LAMTOR3: variants seen among roughly 807,000 people sequenced by gnomAD.
LAMTOR3 encodes ragulator complex protein LAMTOR3.
LAMTOR3 carries 14 observed loss-of-function variants against 20.3 expected under a neutral mutation model. That is an observed-to-expected ratio of 0.69 (90% CI 0.46 to 1.08). The LOEUF is 1.08. Ranked by LOEUF, LAMTOR3 falls within the 50% of genes least tolerant of loss-of-function variation. The pLI is 0.00. For synonymous variants in LAMTOR3, 40 were observed against 49.4 expected, an observed-to-expected ratio of 0.81 and a Z score of 0.80; for missense variants, 125 against 143.7, an observed-to-expected ratio of 0.87 and a Z score of 0.67.
Position 99,881,808 on chromosome 4 carries a change from A to C in LAMTOR3, c.*186T>G. 1.8e-6 allele frequency: 1 copy of C among 565,996 alleles called. No homozygotes were observed. Among genetic ancestry groups the C allele is most frequent in the Non-Finnish European group, 3.1e-6 (1 of 319,290 alleles). The allele number at this position is 565,996 out of a possible 1,614,324, so 35.1% of individuals were successfully genotyped here. On this transcript the variant is annotated 3_prime_UTR_variant, in exon 7 of 7. Coordinates refer to ENST00000499666, the MANE Select transcript of LAMTOR3 (RefSeq NM_021970.4). The stretch of plus-strand genomic sequence containing the variant: ...GATCTCACTAAATAAGAAAGACCCT[A>C]CACCAGAAAATATAGCAACTGATCT...
chr4:99,894,024 T>A, intron 1 of LAMTOR3, 24 bp from the exon 2 acceptor site: 1 of 1,460,494 alleles, frequency 6.8e-7, no homozygotes, highest in Non-Finnish European at 9.2e-7. Flanking sequence ...TCCCGGTGAC[T>A]CTTCCCTCTT....
chr4:99,890,724 G>C (rs1311623484), intron 3 of LAMTOR3, among the ~76,000 whole-genome samples: 2 of 151,620 alleles, frequency 1.3e-5, no homozygotes, highest in Non-Finnish European at 2.9e-5. Flanking sequence ...TTATTTCTTG[G>C]ATAAGCACAA....
chr4:99,879,057 G>T lies in LAMTOR3; in HGVS notation c.*2937C>A, dbSNP rs1724768841. 6.6e-6 allele frequency: 1 copy of T among 152,186 alleles called. No individual in the cohort carries two copies. The highest frequency in any genetic ancestry group is 1.5e-5 in the Non-Finnish European group (1 of 68,024). 9.4% of individuals were successfully genotyped at this position (152,186 alleles called of 1,614,324 possible). A position where few individuals can be genotyped will look rare whatever the true frequency, so the allele number is the denominator to read the frequency against. On this transcript the variant is annotated 3_prime_UTR_variant, in exon 7 of 7. Transcript: ENST00000499666. ...TTAAAAGTTTCACAGACTGCCAATT[G>T]CTGTACATAAAGAGTATAACAAGTC...
intron 5 of LAMTOR3, among the ~76,000 whole-genome samples, chr4:99,885,256 G>C (rs1724901347): frequency 6.6e-6 from 1 of 152,064 alleles, no homozygotes; most frequent in African/African-American, 2.4e-5. Flanking sequence ...CAGTTGTTTA[G>C]CTAACGGCAC....
intron 6 of LAMTOR3, among the ~76,000 whole-genome samples, chr4:99,882,281 T>C (rs1280896537): frequency 1.3e-5 from 2 of 152,198 alleles, no homozygotes; most frequent in East Asian, 3.8e-4. Context: ...GTACAATACT[T>C]ACTATTTGAG....
At chr4:99,893,023 T>C (rs7688284) in intron 2 of LAMTOR3, among the ~76,000 whole-genome samples, 1,725 of 152,008 alleles carry the variant, frequency 0.011, 38 homozygotes, top group African/African-American at 0.039. Flanking sequence ...GTGTCAAGTG[T>C]TTAACACGAA....
chr4:99,884,064 G>C lies in LAMTOR3; in HGVS notation c.299C>G (p.Thr100Arg). 1 of 1,602,072 alleles carries C rather than the reference G, an allele frequency of 6.2e-7. No individual in the cohort carries two copies. The highest frequency in any genetic ancestry group is 8.5e-7 in the Non-Finnish European group (1 of 1,170,190). The change falls in exon 6 of 7, where the codon ACA becomes AGA. Residue 100 changes from threonine (T) to arginine (R), a missense_variant and splice_region_variant. By Grantham distance (71) the Thr-to-Arg change is moderately conservative. Transcript: ENST00000499666. ...ATATTTAAGGTCATTAAACACACCT[G>C]TATTGGCACTGCTGCTGGCTATGAA... ...VSFIASSSANTGLIVSLEKEL... is the reference protein window; with the variant it reads ...VSFIASSSANRGLIVSLEKEL...
chr4:99,889,183 C>A (rs1038475331), intron 3 of LAMTOR3, among the ~76,000 whole-genome samples: 1 of 149,860 alleles, frequency 6.7e-6, no homozygotes, highest in Non-Finnish European at 1.5e-5. Flanking sequence ...GGTGACAGAA[C>A]GAGAGTCTGT....
In LAMTOR3 at chr4:99,883,882, T is replaced by C. The variant is rs149502507; in HGVS notation, c.301+180A>G. 8.4e-3 allele frequency among the ~76,000 whole-genome samples: 1,281 copies of C among 151,878 alleles called. 10 individuals carry two copies. The highest frequency in any genetic ancestry group is 0.028 in the African/African-American group (1,176 of 41,440). On this transcript the variant is annotated intron_variant, in intron 6 of 6. Coordinates refer to ENST00000499666, the MANE Select transcript of LAMTOR3 (RefSeq NM_021970.4). ...ATATATTATCTCCATTATACAGATA[T>C]GGAAACCAGGATTCAGAGAAATCAC...
chr4:99,881,846 C>A lies in LAMTOR3; in HGVS notation c.*148G>T. ...TAGCAACTGATCTATCTATAAATTA[C>A]ATCTATATGCTAGCTCTTTAGTATA... On this transcript the variant is annotated 3_prime_UTR_variant, in exon 7 of 7. Coordinates refer to ENST00000499666, the MANE Select transcript of LAMTOR3 (RefSeq NM_021970.4). 1 of 623,608 alleles carries A rather than the reference C, an allele frequency of 1.6e-6. No individual in the cohort carries two copies. Among genetic ancestry groups the A allele is most frequent in the South Asian group, 1.9e-5 (1 of 51,606 alleles). The allele number at this position is 623,608 out of a possible 1,614,324, so 38.6% of individuals were successfully genotyped here.
intron 5 of LAMTOR3, among the ~76,000 whole-genome samples, chr4:99,885,164 C>G (rs1219506677): frequency 6.6e-6 from 1 of 151,968 alleles, no homozygotes; most frequent in African/African-American, 2.4e-5. Flanking sequence ...GAATTAGCAG[C>G]AAGAGCAAAT....
At chr4:99,888,435 G>C (rs766433877) in intron 3 of LAMTOR3, among the ~76,000 whole-genome samples, 6 of 152,184 alleles carry the variant, frequency 3.9e-5, no homozygotes, top group Non-Finnish European at 5.9e-5. Context: ...ACATATGGTA[G>C]AGCACAAATA....
chr4:99,887,982 C>T (rs547960093), intron 3 of LAMTOR3, among the ~76,000 whole-genome samples: 6 of 152,270 alleles, frequency 3.9e-5, no homozygotes, highest in East Asian at 1.9e-4. Flanking sequence ...TCAGCTGAGA[C>T]GTTATGGCAC....
rs1326078800 is a variant in LAMTOR3, at chr4:99,894,334, C to T, written c.-38+1G>A. Reference sequence around the variant, plus strand: ...AAACCAGGCAAAGTAGCGCCAGTTACCTGGGGTTTCTGGGCTGCCTGGTTC... The same window carrying T: ...AAACCAGGCAAAGTAGCGCCAGTTATCTGGGGTTTCTGGGCTGCCTGGTTC... On this transcript the variant is annotated splice_donor_variant, in intron 1 of 6. Coordinates refer to ENST00000499666, the MANE Select transcript of LAMTOR3 (RefSeq NM_021970.4). LOFTEE classifies it low-confidence loss of function (5UTR_SPLICE). 4.4e-6 allele frequency: 1 copy of T among 224,912 alleles called. No homozygotes were observed. The highest frequency in any genetic ancestry group is 8.6e-6 in the Non-Finnish European group (1 of 115,830). The allele number at this position is 224,912 out of a possible 1,614,324, so 13.9% of individuals were successfully genotyped here.
At chr4:99,882,842 T>C (rs1448447972) in intron 6 of LAMTOR3, among the ~76,000 whole-genome samples, 1 of 152,080 alleles carries the variant, frequency 6.6e-6, no homozygotes, top group Non-Finnish European at 1.5e-5. Context: ...TGGAGTTCAA[T>C]GATGAACCTG....
In LAMTOR3 at chr4:99,885,690, G is replaced by A; in HGVS notation, c.104-15C>T. 1.2e-6 allele frequency: 2 copies of A among 1,605,418 alleles called. No homozygotes were observed. The highest frequency in any genetic ancestry group is 2.2e-5 in the South Asian group (2 of 90,094). On this transcript the variant is annotated splice_polypyrimidine_tract_variant and intron_variant, in intron 4 of 6. Coordinates refer to ENST00000499666, the MANE Select transcript of LAMTOR3 (RefSeq NM_021970.4). ...GTCATTTGCCACTAGAAAAATAAGTGATTTAAATAAAAATTATGCAGAGGA... is the reference window on the plus strand; with the variant it reads ...GTCATTTGCCACTAGAAAAATAAGTAATTTAAATAAAAATTATGCAGAGGA...
In LAMTOR3 at chr4:99,880,587, CTCTG is replaced by C. The variant is rs1337862066; in HGVS notation, c.*1403_*1406del. On this transcript the variant is annotated 3_prime_UTR_variant, in exon 7 of 7. Transcript: ENST00000499666. ...CTCCAGACTGGGCAACACAGCAAGA[CTCTG>C]TCTCTTAAAAAAAAAAAGAAAGAAA... is the stretch of plus-strand genomic sequence containing the variant. 2 of 152,578 alleles carry C rather than the reference CTCTG, an allele frequency of 1.3e-5. No homozygotes were observed. Among genetic ancestry groups the C allele is most frequent in the African/African-American group, 4.8e-5 (2 of 41,318 alleles). 9.5% of individuals were successfully genotyped at this position (152,578 alleles called of 1,614,324 possible). A position where few individuals can be genotyped will look rare whatever the true frequency, so the allele number is the denominator to read the frequency against.
chr4:99,883,558 G>A (rs1236189020), intron 6 of LAMTOR3, among the ~76,000 whole-genome samples: 1 of 151,966 alleles, frequency 6.6e-6, no homozygotes, highest in Non-Finnish European at 1.5e-5. Flanking sequence ...CAGTTCTCAA[G>A]AAGAGTGAGA....
At chr4:99,894,288 C>A in intron 1 of LAMTOR3, 47 bp downstream of exon 1, 1 of 301,174 alleles carries the variant, frequency 3.3e-6, no homozygotes. Context: ...CCACCCGCGC[C>A]ACCTGCGGGA....
Sources: gnomAD v4.1 joint callset for allele counts (sites outside exome capture counted in the v4.1 genomes callset) on GRCh38, gnomAD v4.1.1 for gene constraint, MANE v1.5 for transcripts, NCBI Gene and HGNC (gene_info 2026-07-23, HGNC 2026-07-21) for gene names.